RBL1: variants seen among roughly 807,000 people sequenced by gnomAD.
RBL1 encodes the protein retinoblastoma-like protein 1.
A neutral mutation model predicts 123.0 loss-of-function variants in RBL1; 82 were observed. The observed-to-expected ratio is 0.67, with a 90% CI of 0.56 to 0.80. RBL1 has a LOEUF of 0.80. RBL1 is among the 30% of genes least tolerant of loss of function. The pLI, the probability that RBL1 is intolerant of heterozygous loss-of-function variation, is 0.00. For synonymous variants in RBL1, 405 were observed against 441.3 expected (o/e 0.92, Z 1.03); for missense variants, 1,171 against 1,299.6 (o/e 0.90, Z 1.52).
intron 1 of RBL1, among the ~76,000 whole-genome samples, chr20:37,094,001 T>C (rs1018734505): frequency 6.6e-5 from 10 of 152,206 alleles, no homozygotes; most frequent in African/African-American, 1.9e-4. Flanking sequence ...AGAGCAAACA[T>C]TGAAGATGTC....
rs538614021 is a variant in RBL1 at position 37,013,397 on chromosome 20, C to G, written c.2722+4882G>C. ...AACAGATGCTTGAAGGCAGCATGCTCGTTAAAAGTCATCACCACTCCCTAA... is the reference window on the plus strand; with the variant it reads ...AACAGATGCTTGAAGGCAGCATGCTGGTTAAAAGTCATCACCACTCCCTAA... On this transcript the variant is annotated intron_variant, in intron 19 of 21. Transcript: ENST00000373664. Among the ~76,000 whole-genome samples the G allele has an allele frequency of 1.3e-3, 194 of 151,222 alleles. 3 individuals are homozygous for G. In the Middle Eastern group the frequency reaches 0.014, roughly 11 times the overall value.
intron 11 of RBL1, among the ~76,000 whole-genome samples, chr20:37,050,034 C>T (rs2064881990): frequency 1.4e-5 from 2 of 147,590 alleles, no homozygotes; most frequent in Non-Finnish European, 3.0e-5. Flanking sequence ...TGCACTCCAG[C>T]CTGGGCAACA....
intron 2 of RBL1, among the ~76,000 whole-genome samples, 173 bp downstream of exon 2, chr20:37,088,816 C>T (rs180967545): frequency 7.9e-5 from 12 of 152,046 alleles, no homozygotes; most frequent in African/African-American, 2.2e-4. Flanking sequence ...TAAGCCAAGA[C>T]TGTGCCACTG....
intron 11 of RBL1, among the ~76,000 whole-genome samples, chr20:37,052,517 T>G (rs1005282839): frequency 2.6e-5 from 4 of 151,894 alleles, no homozygotes. Context: ...TTTTCATATA[T>G]TTATTTTTTT....
chr20:37,018,239 A>C, intron 19 of RBL1, 40 bp downstream of exon 19: 2 of 1,568,032 alleles, frequency 1.3e-6, no homozygotes, highest in Non-Finnish European at 8.6e-7. Flanking sequence ...AGTGTGATCC[A>C]ATGTGTTTTA....
At chr20:37,069,684 G>T (rs2065250315) in intron 2 of RBL1, among the ~76,000 whole-genome samples, 1 of 151,780 alleles carries the variant, frequency 6.6e-6, no homozygotes, top group Non-Finnish European at 1.5e-5. Context: ...CCGCCCGACA[G>T]CCACCCAGTC....
At chr20:37,094,267 G>T (rs914879597) in intron 1 of RBL1, among the ~76,000 whole-genome samples, 3 of 152,112 alleles carry the variant, frequency 2.0e-5, no homozygotes, top group African/African-American at 7.2e-5. Context: ...GCTTTCTCAG[G>T]CTTTCAAAAA....
chr20:37,003,995 G>GA, intron 20 of RBL1, 129 bp from the exon 21 acceptor site: 22 of 602,446 alleles, frequency 3.7e-5, no homozygotes, highest in Middle Eastern at 5.5e-4. Context: ...TTATGGTTGA[G>GA]AAAAAAAATG....
intron 16 of RBL1, among the ~76,000 whole-genome samples, chr20:37,023,117 A>G (rs962234180): frequency 1.3e-5 from 2 of 151,888 alleles, no homozygotes; most frequent in African/African-American, 4.8e-5. Context: ...ATGAACATAT[A>G]ATTTTTCCTT....
chr20:37,038,336 C>A (rs1411782103), intron 14 of RBL1, among the ~76,000 whole-genome samples: 7 of 139,660 alleles, frequency 5.0e-5, no homozygotes, highest in Admixed American at 1.5e-4. Context: ...GAGACTCGCT[C>A]TTTCGCCCAG....
At chr20:37,012,232 G>A (rs1017894599) in intron 19 of RBL1, among the ~76,000 whole-genome samples, 15 of 152,228 alleles carry the variant, frequency 9.9e-5, no homozygotes, top group African/African-American at 3.1e-4. Flanking sequence ...CCTCCCAGCC[G>A]CCTGGCCTTG....
intron 21 of RBL1, 55 bp from the exon 22 acceptor site, chr20:36,998,984 C>G: frequency 6.6e-7 from 1 of 1,510,162 alleles, no homozygotes. Context: ...GAAATGGCAG[C>G]AAACAACCAA....
At chr20:37,033,343 G>A (rs570912555) in intron 15 of RBL1, among the ~76,000 whole-genome samples, 160 of 151,548 alleles carry the variant, frequency 1.1e-3, no homozygotes, top group Non-Finnish European at 2.0e-3. Flanking sequence ...TACCACACCC[G>A]GCTAATTTTT....
rs768901139 is a variant in RBL1 at position 37,079,465 on chromosome 20, A to ATTTTT, written c.290+9519_290+9523dup. Among the ~76,000 whole-genome samples the ATTTTT allele has an allele frequency of 4.2e-4, 49 of 115,660 alleles. 2 individuals are homozygous for ATTTTT. Among genetic ancestry groups the ATTTTT allele is most frequent in the African/African-American group, 4.7e-4 (14 of 29,640 alleles). The allele number at this position is 115,660 out of a possible 152,430, so 75.9% of individuals were successfully genotyped here. A position where few individuals can be genotyped will look rare whatever the true frequency, so the allele number is the denominator to read the frequency against. ...GATTTTTAGATGCTGGGCTTAAAGC[A>ATTTTT]TTTTTTTTTTTTTTTTTTTTGAGAA... On this transcript the variant is annotated intron_variant, in intron 2 of 21. Transcript: ENST00000373664.
intron 2 of RBL1, among the ~76,000 whole-genome samples, chr20:37,083,530 TA>T (rs1306004010): frequency 6.8e-6 from 1 of 146,468 alleles, no homozygotes. Context: ...CTCACACCTG[TA>T]ATCCTAGCAC....
intron 2 of RBL1, among the ~76,000 whole-genome samples, chr20:37,083,612 C>T (rs2146328621): frequency 1.5e-5 from 2 of 130,580 alleles, no homozygotes; most frequent in African/African-American, 5.8e-5. Context: ...TAGCGAAACC[C>T]CGTCTCTACT....
At chr20:37,055,782 C>A in intron 10 of RBL1, 126 bp from the exon 11 acceptor site, 1 of 955,700 alleles carries the variant, frequency 1.0e-6, no homozygotes, top group Non-Finnish European at 1.5e-6. Context: ...GGAATGGTGG[C>A]TCACGCCTGT....
At chr20:37,001,918 T>TAAAAAACAA (rs2063988073) in intron 21 of RBL1, among the ~76,000 whole-genome samples, 2 of 86,544 alleles carry the variant, frequency 2.3e-5, no homozygotes, top group Non-Finnish European at 2.2e-5. Flanking sequence ...TGCAGAACAA[T>TAAAAAACAA]AAAAAAAAAA....
intron 19 of RBL1, among the ~76,000 whole-genome samples, chr20:37,012,484 G>A (rs2064171034): frequency 1.4e-5 from 2 of 142,726 alleles, no homozygotes; most frequent in East Asian, 2.1e-4. Context: ...GCCGCCCATC[G>A]TCTGAGATGT....
Sources: gnomAD v4.1 joint callset for allele counts (sites outside exome capture counted in the v4.1 genomes callset) on GRCh38, gnomAD v4.1.1 for gene constraint, MANE v1.5 for transcripts, NCBI Gene and HGNC (gene_info 2026-07-23, HGNC 2026-07-21) for gene names.